Variants in MAPK10 observed in about 807,000 individuals in gnomAD.
MAPK10 encodes JNK3 alpha protein kinase.
In MAPK10, 25 loss-of-function variants were observed where a neutral mutation model predicts 59.3. The ratio of observed to expected loss-of-function variants is 0.42; its 90% CI spans 0.31 to 0.59. MAPK10 has a LOEUF of 0.59. Among genes scored for constraint, MAPK10 ranks in the 20% least tolerant of loss-of-function variants. The pLI, the probability that MAPK10 is intolerant of heterozygous loss-of-function variation, is 0.15. For missense variants in MAPK10, 351 were observed against 568.9 expected, an observed-to-expected ratio of 0.62 and a Z score of 3.90; for synonymous variants, 190 against 200.5, an observed-to-expected ratio of 0.95 and a Z score of 0.44.
At chr4:86,107,869 T>C (rs959919838) in intron 4 of MAPK10, among the ~76,000 whole-genome samples, 10 of 152,132 alleles carry the variant, frequency 6.6e-5, no homozygotes, top group Non-Finnish European at 1.0e-4. Context: ...GTTTTGTTTG[T>C]TATTGTTTTT....
intron 1 of MAPK10, among the ~76,000 whole-genome samples, chr4:86,365,639 T>C (rs1433147214): frequency 6.6e-6 from 1 of 152,018 alleles, no homozygotes. Context: ...TTATCAAAAC[T>C]TTTTATTTCA....
At chr4:86,589,692 AAAAGT>A (rs1420822094) in intron 1 of MAPK10, among the ~76,000 whole-genome samples, 4 of 151,886 alleles carry the variant, frequency 2.6e-5, no homozygotes, top group Non-Finnish European at 5.9e-5. Flanking sequence ...CAAAAAAAAA[AAAAGT>A]AAAGTAAAAT....
intron 4 of MAPK10, among the ~76,000 whole-genome samples, chr4:86,126,205 C>T (rs75468913): frequency 0.037 from 5,569 of 152,084 alleles, 256 homozygotes; most frequent in African/African-American, 0.11. Context: ...ATTTTGTAGG[C>T]CCCTGGACTT....
intron 1 of MAPK10, among the ~76,000 whole-genome samples, chr4:86,482,514 G>A (rs770632840): frequency 5.9e-5 from 9 of 152,066 alleles, no homozygotes; most frequent in Non-Finnish European, 1.0e-4. Flanking sequence ...GGAAGAAAGG[G>A]ACATAGAAAC....
chr4:86,108,103 C>T (rs932851423), intron 4 of MAPK10, among the ~76,000 whole-genome samples: 6 of 151,182 alleles, frequency 4.0e-5, no homozygotes, highest in African/African-American at 1.5e-4. Context: ...ATAAGAAATG[C>T]AATCAGAGAG....
At chr4:86,337,468 T>C (rs978129590) in intron 2 of MAPK10, among the ~76,000 whole-genome samples, 5 of 152,170 alleles carry the variant, frequency 3.3e-5, no homozygotes, top group African/African-American at 4.8e-5. Flanking sequence ...GTCTCTTTGT[T>C]TGGAGAATCG....
chr4:86,483,183 A>G (rs1753738080), intron 1 of MAPK10, among the ~76,000 whole-genome samples: 1 of 152,144 alleles, frequency 6.6e-6, no homozygotes, highest in South Asian at 2.1e-4. Flanking sequence ...ACCCCTCTAA[A>G]AGGATTTCCA....
intron 1 of MAPK10, among the ~76,000 whole-genome samples, chr4:86,500,326 T>C (rs1755212036): frequency 6.6e-6 from 1 of 152,168 alleles, no homozygotes. Flanking sequence ...ATCATATGAT[T>C]CTATTTTCAG....
At chr4:86,169,868 G>T (rs934835728) in intron 3 of MAPK10, among the ~76,000 whole-genome samples, 2 of 151,994 alleles carry the variant, frequency 1.3e-5, no homozygotes, top group African/African-American at 4.8e-5. Flanking sequence ...CGGATCTCTC[G>T]GCAGAAACCC....
chr4:86,393,076 G>A (rs958553782), intron 1 of MAPK10, among the ~76,000 whole-genome samples: 3 of 152,182 alleles, frequency 2.0e-5, no homozygotes, highest in African/African-American at 4.8e-5. Flanking sequence ...CAGATTTAAT[G>A]AGGATTATAC....
At chr4:86,231,800 A>G (rs533048942) in intron 2 of MAPK10, among the ~76,000 whole-genome samples, 1 of 152,356 alleles carries the variant, frequency 6.6e-6, no homozygotes, top group East Asian at 1.9e-4. Context: ...TACATAATGC[A>G]CAGGGCCTTA....
At chr4:86,377,440 C>T (rs939467137) in intron 1 of MAPK10, among the ~76,000 whole-genome samples, 2 of 152,186 alleles carry the variant, frequency 1.3e-5, no homozygotes, top group Non-Finnish European at 2.9e-5. Flanking sequence ...CCCAGTCCAG[C>T]TGCAGGCCTT....
chr4:86,171,958 A>C (rs1581853412), intron 3 of MAPK10, among the ~76,000 whole-genome samples: 1 of 150,056 alleles, frequency 6.7e-6, no homozygotes, highest in African/African-American at 2.5e-5. Context: ...ATGCAGCCAA[A>C]AGACACATGA....
At chr4:86,488,715 C>T (rs563992943) in intron 1 of MAPK10, among the ~76,000 whole-genome samples, 1 of 152,224 alleles carries the variant, frequency 6.6e-6, no homozygotes, top group African/African-American at 2.4e-5. Context: ...AGAAAGGCTC[C>T]GAAGTAGACA....
At chr4:86,060,093 C>T (rs868442675) in intron 11 of MAPK10, among the ~76,000 whole-genome samples, 2 of 152,172 alleles carry the variant, frequency 1.3e-5, no homozygotes, top group South Asian at 2.1e-4. Context: ...TCACCACTGG[C>T]CATGAAGCTT....
At chr4:86,370,652 A>G (rs1738620126) in intron 1 of MAPK10, 1 of 152,194 alleles carries the variant, frequency 6.6e-6, no homozygotes. Flanking sequence ...TCCTGTTTGA[A>G]AAGGAAAAAC....
chr4:86,368,980 TAAAG>T (rs563578861), intron 1 of MAPK10, among the ~76,000 whole-genome samples: 1 of 152,312 alleles, frequency 6.6e-6, no homozygotes, highest in African/African-American at 2.4e-5. Flanking sequence ...GTGTGTGAGA[TAAAG>T]AAAGTTATTC....
chr4:86,089,154 G>T (rs887774104), intron 9 of MAPK10: 4 of 1,368,556 alleles, frequency 2.9e-6, no homozygotes, highest in African/African-American at 2.9e-5. Flanking sequence ...AGACAAAAGG[G>T]AATTAATTGA....
chr4:86,419,122 C>T (rs969054070), intron 1 of MAPK10, among the ~76,000 whole-genome samples: 3 of 152,116 alleles, frequency 2.0e-5, no homozygotes, highest in African/African-American at 4.8e-5. Flanking sequence ...AACCAAAAAC[C>T]ATCTGTCCTC....
Sources: gnomAD v4.1 joint callset for allele counts (sites outside exome capture counted in the v4.1 genomes callset) on GRCh38, gnomAD v4.1.1 for gene constraint, MANE v1.5 for transcripts, NCBI Gene and HGNC (gene_info 2026-07-23, HGNC 2026-07-21) for gene names.